ANK3: variants seen among roughly 807,000 people sequenced by gnomAD.
ANK3 encodes ankyrin-3.
ANK3 carries 57 observed loss-of-function variants against 370.9 expected under a neutral mutation model. That is an observed-to-expected ratio of 0.15 (90% CI 0.12 to 0.19). The LOEUF (loss-of-function observed/expected upper bound fraction) is 0.19, where lower values mean the gene tolerates loss of function less well. Among genes scored for constraint, ANK3 ranks in the 10% least tolerant of loss-of-function variants. ANK3 has a pLI of 1.00. For missense variants in ANK3, 4,439 were observed against 5,302.1 expected, an observed-to-expected ratio of 0.84 and a Z score of 5.06; for synonymous variants, 1,929 against 1,946.3, an observed-to-expected ratio of 0.99 and a Z score of 0.23.
chr10:60,543,380 G>A (rs1363911719), intron 2 of ANK3, among the ~76,000 whole-genome samples: 4 of 152,042 alleles, frequency 2.6e-5, no homozygotes, highest in African/African-American at 9.7e-5. Flanking sequence ...ATTTGTAAAA[G>A]CTAAAGATTG....
chr10:60,696,515 C>T (rs2079452456), intron 1 of ANK3, among the ~76,000 whole-genome samples: 1 of 151,544 alleles, frequency 6.6e-6, no homozygotes. Flanking sequence ...AAAATACTGG[C>T]AAACCGAATC....
chr10:60,693,790 A>C (rs538969132), intron 1 of ANK3, among the ~76,000 whole-genome samples: 1 of 152,308 alleles, frequency 6.6e-6, no homozygotes, highest in South Asian at 2.1e-4. Context: ...TAAAACCACA[A>C]AGATGGGGAA....
chr10:60,717,976 CA>C (rs1404298452), intron 1 of ANK3, among the ~76,000 whole-genome samples: 1 of 152,236 alleles, frequency 6.6e-6, no homozygotes, highest in Non-Finnish European at 1.5e-5. Flanking sequence ...AAATAACACA[CA>C]AACAGTTTCA....
At chr10:60,452,651 C>A (rs540976734) in intron 2 of ANK3, among the ~76,000 whole-genome samples, 1 of 152,342 alleles carries the variant, frequency 6.6e-6, no homozygotes. Flanking sequence ...TATAAAGATA[C>A]TCAGAAATTC....
At chr10:60,269,251 C>T (rs914120284) in intron 5 of ANK3, among the ~76,000 whole-genome samples, 2 of 152,176 alleles carry the variant, frequency 1.3e-5, no homozygotes, top group Non-Finnish European at 2.9e-5. Context: ...TAAGACAGTG[C>T]CAATGGCCTA....
At chr10:60,254,464 C>T (rs2097709075) in intron 7 of ANK3, among the ~76,000 whole-genome samples, 1 of 152,168 alleles carries the variant, frequency 6.6e-6, no homozygotes. Flanking sequence ...AGCTGATGTC[C>T]TTTCTAGCAT....
chr10:60,032,715 T>A (rs2073979494), intron 43 of ANK3, among the ~76,000 whole-genome samples: 2 of 152,192 alleles, frequency 1.3e-5, no homozygotes, highest in South Asian at 4.1e-4. Context: ...TTATGCCCAC[T>A]TATATTCCAG....
chr10:60,188,513 C>A (rs2096400989), intron 16 of ANK3, among the ~76,000 whole-genome samples: 3 of 152,108 alleles, frequency 2.0e-5, no homozygotes, highest in Non-Finnish European at 4.4e-5. Flanking sequence ...GACAATGGAT[C>A]AGTCACAATC....
chr10:60,049,117 C>A (rs558273057), intron 42 of ANK3, among the ~76,000 whole-genome samples: 2 of 152,154 alleles, frequency 1.3e-5, no homozygotes, highest in Non-Finnish European at 2.9e-5. Context: ...TTTGTTATAC[C>A]TATAGCTTCC....
At chr10:60,194,255 TAAC>T (rs995974975) in intron 16 of ANK3, among the ~76,000 whole-genome samples, 1 of 152,228 alleles carries the variant, frequency 6.6e-6, no homozygotes, top group Non-Finnish European at 1.5e-5. Flanking sequence ...AAAATACACA[TAAC>T]AAAATTTCCC....
intron 2 of ANK3, among the ~76,000 whole-genome samples, chr10:60,569,403 A>G (rs1003840696): frequency 1.3e-5 from 2 of 152,216 alleles, no homozygotes; most frequent in Admixed American, 6.5e-5. Flanking sequence ...CATCTATTCA[A>G]GACAAGATAT....
At chr10:60,238,652 G>C (rs1304957386) in intron 7 of ANK3, among the ~76,000 whole-genome samples, 1 of 152,012 alleles carries the variant, frequency 6.6e-6, no homozygotes, top group Non-Finnish European at 1.5e-5. Context: ...TCAGGGTGGA[G>C]CACTAACACT....
chr10:60,583,048 G>C (rs953678591), intron 2 of ANK3, among the ~76,000 whole-genome samples: 4 of 152,198 alleles, frequency 2.6e-5, no homozygotes, highest in African/African-American at 9.7e-5. Context: ...ATGTTGAAGA[G>C]ATATCTGCAA....
chr10:60,702,653 A>ATCTTCTATAAGATCTTC (rs1465411321), intron 1 of ANK3, among the ~76,000 whole-genome samples: 2 of 152,296 alleles, frequency 1.3e-5, no homozygotes, highest in African/African-American at 4.8e-5. Context: ...CAAATAGTGG[A>ATCTTCTATAAGATCTTC]TATAAGAGAT....
intron 2 of ANK3, among the ~76,000 whole-genome samples, chr10:60,491,530 A>C (rs12256942): frequency 0.13 from 19,824 of 152,214 alleles, 1,509 homozygotes; most frequent in African/African-American, 0.21. Context: ...CTATCCACAT[A>C]CTATCAACAC....
chr10:60,136,994 C>G (rs1343265934), intron 24 of ANK3, among the ~76,000 whole-genome samples: 3 of 152,070 alleles, frequency 2.0e-5, no homozygotes, highest in Non-Finnish European at 2.9e-5. Context: ...CCTAGCACAA[C>G]TCAAATAAAA....
intron 2 of ANK3, among the ~76,000 whole-genome samples, chr10:60,402,903 T>C (rs1353120744): frequency 6.6e-6 from 1 of 152,108 alleles, no homozygotes; most frequent in Non-Finnish European, 1.5e-5. Flanking sequence ...GTTACATAAG[T>C]GGTTATTATT....
At position 60,172,894 on chromosome 10, in the gene ANK3, G is replaced by T. The variant is rs114581617; in HGVS notation, c.2382+6C>A. On this transcript the variant is annotated splice_donor_region_variant and intron_variant, in intron 20 of 43. Transcript: ENST00000280772. Reference sequence around the variant, plus strand: ...CTCTTCTCCTGAGCTGGCCCTGAGCGCTTACCACAGTGAGTTCATTGGGGG... The same window carrying T: ...CTCTTCTCCTGAGCTGGCCCTGAGCTCTTACCACAGTGAGTTCATTGGGGG... The T allele has an allele frequency of 2.8e-3, 4,483 of 1,606,208 alleles. 126 individuals are homozygous for T. In the African/African-American group the frequency reaches 0.053, roughly 19 times the overall value.
intron 7 of ANK3, among the ~76,000 whole-genome samples, chr10:60,249,082 G>C (rs957352770): frequency 1.3e-5 from 2 of 152,054 alleles, no homozygotes; most frequent in Non-Finnish European, 2.9e-5. Flanking sequence ...CACTATCAAA[G>C]CTCAATCAAA....
Sources: gnomAD v4.1 joint callset for allele counts (sites outside exome capture counted in the v4.1 genomes callset) on GRCh38, gnomAD v4.1.1 for gene constraint, MANE v1.5 for transcripts, NCBI Gene and HGNC (gene_info 2026-07-23, HGNC 2026-07-21) for gene names.